Variants in TMEM65 observed in about 807,000 individuals in gnomAD.
TMEM65 encodes transmembrane protein 65.
TMEM65 carries 22 observed loss-of-function variants against 25.4 expected under a neutral mutation model. The ratio of observed to expected loss-of-function variants is 0.86; its 90% CI spans 0.62 to 1.23. The LOEUF is 1.23. Ranked by LOEUF, TMEM65 falls within the 50% of genes most tolerant of loss-of-function variation. The pLI is 0.00. For synonymous variants in TMEM65, 132 were observed against 126.2 expected (o/e 1.05, Z -0.31); for missense variants, 262 against 308.2 (o/e 0.85, Z 1.12).
chr8:124,336,963 A>G (rs1453909754), intron 1 of TMEM65, among the ~76,000 whole-genome samples: 2 of 151,896 alleles, frequency 1.3e-5, no homozygotes, highest in African/African-American at 4.8e-5. Context: ...TCCCACAGAT[A>G]TTAAAAAGAA....
chr8:124,364,043 G>T (rs1209096950), intron 1 of TMEM65, among the ~76,000 whole-genome samples: 1 of 151,964 alleles, frequency 6.6e-6, no homozygotes, highest in Non-Finnish European at 1.5e-5. Context: ...ATCAAAGAAA[G>T]ATCTTTAGTA....
At chr8:124,333,569 C>T (rs1814464000) in intron 1 of TMEM65, among the ~76,000 whole-genome samples, 1 of 151,706 alleles carries the variant, frequency 6.6e-6, no homozygotes, top group Non-Finnish European at 1.5e-5. Flanking sequence ...AACTATTAAG[C>T]TTGTACTTCA....
chr8:124,360,190 G>C (rs1814841154), intron 1 of TMEM65, among the ~76,000 whole-genome samples: 1 of 152,082 alleles, frequency 6.6e-6, no homozygotes, highest in African/African-American at 2.4e-5. Context: ...CAGCACTTTG[G>C]GAGGTCGAGG....
At chr8:124,368,527 G>A (rs745432509) in intron 1 of TMEM65, among the ~76,000 whole-genome samples, 2 of 152,200 alleles carry the variant, frequency 1.3e-5, no homozygotes, top group African/African-American at 4.8e-5. Context: ...AAAGTCTGTG[G>A]CTTCCAGCTT....
chr8:124,335,714 T>C (rs142229000), intron 1 of TMEM65, among the ~76,000 whole-genome samples: 21 of 152,064 alleles, frequency 1.4e-4, no homozygotes, highest in African/African-American at 4.1e-4. Flanking sequence ...TAACTACACA[T>C]ACAGATGAAA....
At position 124,330,766 on chromosome 8, in the gene TMEM65, G is replaced by C. The variant is rs547179589; in HGVS notation, c.331C>G (p.Pro111Ala). 1.0e-5 allele frequency: 16 copies of C among 1,585,884 alleles called. 1 individual carries two copies. In the South Asian group the frequency reaches 1.8e-4, roughly 18 times the overall value. The stretch of plus-strand genomic sequence containing the variant: ...CCATTACCATATCTCAGCTGTCCTG[G>C]GGTGGGTGGTGGAGCTTCCAATTTT... ...QEKLEAPPPT[P>A]GQLRYVFIHN... The change falls in exon 2 of 7, where the codon CCA (proline) becomes GCA (alanine). Residue 111 changes from proline to alanine, a missense_variant. Pro to Ala is a conservative substitution (Grantham distance 27). Transcript: ENST00000297632.
At chr8:124,352,338 A>G (rs2131220377) in intron 1 of TMEM65, among the ~76,000 whole-genome samples, 1 of 152,260 alleles carries the variant, frequency 6.6e-6, no homozygotes, top group East Asian at 1.9e-4. Flanking sequence ...ATGAATTTGC[A>G]TAAATCCAGA....
chr8:124,343,423 C>T (rs1282430284), intron 1 of TMEM65, among the ~76,000 whole-genome samples: 2 of 152,164 alleles, frequency 1.3e-5, no homozygotes, highest in African/African-American at 4.8e-5. Flanking sequence ...GACCCACCAA[C>T]TGATGACAAT....
Position 124,347,718 on chromosome 8 carries a change from G to A in TMEM65, c.305-16926C>T, listed in dbSNP as rs1814655188. 3.3e-5 allele frequency among the ~76,000 whole-genome samples: 5 copies of A among 152,242 alleles called. No homozygotes were observed. The South Asian group carries it at 1.0e-3, about 32-fold the overall frequency. ...GAAGCAACTAATGAATTCCAGACTGGTTGAGACCAGTGGTATAACAGCTGA... is the reference window on the plus strand; with the variant it reads ...GAAGCAACTAATGAATTCCAGACTGATTGAGACCAGTGGTATAACAGCTGA... On this transcript the variant is annotated intron_variant, in intron 1 of 6. Transcript: ENST00000297632.
At chr8:124,317,538 T>C (rs1432291647) in intron 6 of TMEM65, among the ~76,000 whole-genome samples, 1 of 152,180 alleles carries the variant, frequency 6.6e-6, no homozygotes, top group Non-Finnish European at 1.5e-5. Context: ...CAAATTTTAA[T>C]GTACAACAGA....
rs1375281752 is a variant in TMEM65, at chr8:124,307,577, C to T, written c.*6383G>A. On this transcript the variant is annotated 3_prime_UTR_variant, in exon 7 of 7. Coordinates refer to ENST00000297632, the MANE Select transcript of TMEM65 (RefSeq NM_194291.3). Reference sequence around the variant, plus strand: ...CTTTTATGTGGGTGCAGTATTGCTACAAGAAAGACGTACCTATAGGCTCTA... The same window carrying T: ...CTTTTATGTGGGTGCAGTATTGCTATAAGAAAGACGTACCTATAGGCTCTA... 6.6e-6 allele frequency: 1 copy of T among 151,812 alleles called. No homozygotes were observed. Among genetic ancestry groups the T allele is most frequent in the Admixed American group, 6.6e-5 (1 of 15,224 alleles). 9.4% of individuals were successfully genotyped at this position (151,812 alleles called of 1,614,324 possible). A position where few individuals can be genotyped will look rare whatever the true frequency, so the allele number is the denominator to read the frequency against.
At chr8:124,345,888 C>T (rs900319771) in intron 1 of TMEM65, among the ~76,000 whole-genome samples, 2 of 152,038 alleles carry the variant, frequency 1.3e-5, no homozygotes, top group Admixed American at 6.6e-5. Context: ...GGATTACAGG[C>T]ACATGCCACC....
chr8:124,372,086 G>C lies in TMEM65; in HGVS notation c.72C>G (p.Ala24=), dbSNP rs1011166241. 9 of 1,110,824 alleles carry C rather than the reference G, an allele frequency of 8.1e-6. No homozygotes were observed. The African/African-American group carries it at 1.5e-4, about 19-fold the overall frequency. 68.8% of individuals were successfully genotyped at this position (1,110,824 alleles called of 1,614,324 possible). The change falls in exon 1 of 7, where the codon GCC becomes GCG. Residue 24 remains alanine (A), a synonymous_variant. Transcript: ENST00000297632. ...RSLRPGPAAA[A]APRPPSWCCC... is the part of the protein sequence containing the mutation. ...AGCACCAGGACGGCGGGCGGGGCGC[G>C]GCGGCGGCGGCCGGGCCCGGCCTCA...
chr8:124,361,901 GT>G (rs950691303), intron 1 of TMEM65, among the ~76,000 whole-genome samples: 2 of 151,028 alleles, frequency 1.3e-5, no homozygotes, highest in Admixed American at 1.3e-4. Flanking sequence ...TTTTTGGAGG[GT>G]TTTTTGAGAT....
At chr8:124,371,710 G>T in intron 1 of TMEM65, 144 bp downstream of exon 1, 1 of 801,956 alleles carries the variant, frequency 1.2e-6, no homozygotes, top group Non-Finnish European at 1.8e-6. Context: ...AGCCGTCCCA[G>T]GCGTGGGGCC....
chr8:124,314,744 C>T (rs538361763), intron 6 of TMEM65, among the ~76,000 whole-genome samples: 98 of 152,292 alleles, frequency 6.4e-4, no homozygotes, highest in African/African-American at 2.1e-3. Context: ...GATCTCTTCC[C>T]GAACTCTTTG....
chr8:124,313,874 A>G lies in TMEM65; in HGVS notation c.*86T>C. 1 of 879,800 alleles carries G rather than the reference A, an allele frequency of 1.1e-6. No individual in the cohort carries two copies. Among genetic ancestry groups the G allele is most frequent in the Non-Finnish European group, 1.8e-6 (1 of 552,006 alleles). The allele number at this position is 879,800 out of a possible 1,614,324, so 54.5% of individuals were successfully genotyped here. ...TATTTGATCCCATATCTATACTGTTACTGTCTTAATTCCTAAATGTTGTGA... is the reference window on the plus strand; with the variant it reads ...TATTTGATCCCATATCTATACTGTTGCTGTCTTAATTCCTAAATGTTGTGA... On this transcript the variant is annotated 3_prime_UTR_variant, in exon 7 of 7. Coordinates refer to ENST00000297632, the MANE Select transcript of TMEM65 (RefSeq NM_194291.3).
At chr8:124,370,662 C>T (rs1563602396) in intron 1 of TMEM65, among the ~76,000 whole-genome samples, 3 of 152,220 alleles carry the variant, frequency 2.0e-5, no homozygotes, top group Non-Finnish European at 2.9e-5. Context: ...TTAAAAGCCA[C>T]AACTAAAACA....
chr8:124,352,092 T>C (rs1214565742), intron 1 of TMEM65, among the ~76,000 whole-genome samples: 3 of 152,138 alleles, frequency 2.0e-5, no homozygotes, highest in Middle Eastern at 6.3e-3. Context: ...AGAAAAGCAA[T>C]GTGATTGGTC....
Sources: gnomAD v4.1 joint callset for allele counts (sites outside exome capture counted in the v4.1 genomes callset) on GRCh38, gnomAD v4.1.1 for gene constraint, MANE v1.5 for transcripts, NCBI Gene and HGNC (gene_info 2026-07-23, HGNC 2026-07-21) for gene names.